MBTPS1: variants seen among roughly 807,000 people sequenced by gnomAD.
The protein encoded by MBTPS1 is membrane bound transcription factor peptidase, site 1.
Under a neutral mutation model 127.8 loss-of-function variants are expected in MBTPS1, and 94 were observed. The observed-to-expected ratio is 0.74, with a 90% CI of 0.62 to 0.87. MBTPS1 has a LOEUF of 0.87. Among genes scored for constraint, MBTPS1 ranks in the 40% least tolerant of loss-of-function variants. MBTPS1 has a pLI of 0.00. For synonymous variants in MBTPS1, 632 were observed against 509.4 expected, an observed-to-expected ratio of 1.24 and a Z score of -3.24; for missense variants, 1,636 against 1,353.2, an observed-to-expected ratio of 1.21 and a Z score of -3.28.
chr16:84,116,673 G>A (rs1369547969), intron 1 of MBTPS1, 62 bp downstream of exon 1: 12 of 151,944 alleles, frequency 7.9e-5, no homozygotes, highest in Admixed American at 2.6e-4. Context: ...ACACCTGAGC[G>A]AGCGGGCCGC....
At position 84,056,001 on chromosome 16, in the gene MBTPS1, T is replaced by C; in HGVS notation, c.2962+4A>G. On this transcript the variant is annotated splice_donor_region_variant and intron_variant, in intron 22 of 22. Coordinates refer to ENST00000343411, the MANE Select transcript of MBTPS1 (RefSeq NM_003791.4). ...GCACAATCACAAAGCAGCCGAGAAC[T>C]CACCTCCAGGAATGTCCCAGGCGCC... 6.2e-7 allele frequency: 1 copy of C among 1,609,770 alleles called. No individual in the cohort carries two copies. Among genetic ancestry groups the C allele is most frequent in the Non-Finnish European group, 8.5e-7 (1 of 1,177,368 alleles).
chr16:84,084,929 C>A (rs1031616155), intron 10 of MBTPS1, 54 bp downstream of exon 10: 6 of 1,576,082 alleles, frequency 3.8e-6, no homozygotes, highest in Non-Finnish European at 5.2e-6. Context: ...CTGCTGGCAC[C>A]GAGTGCTCCT....
At chr16:84,072,683 G>A (rs1394332760) in intron 12 of MBTPS1, among the ~76,000 whole-genome samples, 5 of 152,130 alleles carry the variant, frequency 3.3e-5, no homozygotes, top group Non-Finnish European at 7.4e-5. Context: ...CCAGCTACTC[G>A]GGAGGCTGAG....
At chr16:84,082,683 C>T (rs548613144) in intron 10 of MBTPS1, among the ~76,000 whole-genome samples, 4 of 152,240 alleles carry the variant, frequency 2.6e-5, no homozygotes, top group East Asian at 3.9e-4. Context: ...CCTAAATATT[C>T]GTATGTGATG....
At chr16:84,110,657 G>GT (rs1395193057) in intron 1 of MBTPS1, 2 of 152,264 alleles carry the variant, frequency 1.3e-5, no homozygotes, top group African/African-American at 4.8e-5. Context: ...CCAACAACCC[G>GT]TTACTACCCC....
At chr16:84,061,657 C>T (rs1425252677) in intron 19 of MBTPS1, 1 of 152,236 alleles carries the variant, frequency 6.6e-6, no homozygotes, top group Non-Finnish European at 1.5e-5. Flanking sequence ...TCGGCAGGGC[C>T]CTGACCACTG....
rs1473888155 is a variant in MBTPS1, at chr16:84,056,067, G to T, written c.2900C>A (p.Ser967Ter). The T allele has an allele frequency of 2.5e-6, 4 of 1,614,012 alleles. No individual in the cohort carries two copies. In the African/African-American group the frequency reaches 5.3e-5, roughly 22 times the overall value. ...CAAGGGCCTCACTTGAGGGCGATTC[G>T]ATCGAAAGTTGGGTAACACCACCTT... ...LDKVVLPNFR[S>*]NRPQVRPLSP... The change falls in exon 22 of 23, where the codon TCG becomes TAG. Residue 967 changes from serine (S) to a stop codon, truncating the protein, a stop_gained. Transcript: ENST00000343411. LOFTEE classifies it high-confidence loss of function.
chr16:84,056,215 A>T (rs1209271375), intron 21 of MBTPS1, 80 bp from the exon 22 acceptor site: 1 of 1,235,298 alleles, frequency 8.1e-7, no homozygotes, highest in Non-Finnish European at 1.2e-6. Context: ...TTCAACTGAA[A>T]CTCAAGACAG....
chr16:84,110,187 G>T lies in MBTPS1; in HGVS notation c.-325+6548C>A, dbSNP rs2086379851. Among the ~76,000 whole-genome samples, 3 of 152,320 alleles carry T rather than the reference G, an allele frequency of 2.0e-5. No individual in the cohort carries two copies. The South Asian group carries it at 6.2e-4, about 32-fold the overall frequency. On this transcript the variant is annotated intron_variant, in intron 1 of 22. Coordinates refer to ENST00000343411, the MANE Select transcript of MBTPS1 (RefSeq NM_003791.4). ...ATAACCAGACCACACACGTCAGACAGATTTACACTCATCAATTGTTACGTA... is the reference window on the plus strand; with the variant it reads ...ATAACCAGACCACACACGTCAGACATATTTACACTCATCAATTGTTACGTA...
chr16:84,109,935 G>A (rs1254234263), intron 1 of MBTPS1, among the ~76,000 whole-genome samples: 1 of 152,196 alleles, frequency 6.6e-6, no homozygotes, highest in African/African-American at 2.4e-5. Context: ...GGATAATGGA[G>A]TATCAGGTCT....
At chr16:84,085,801 T>C (rs1341592793) in intron 9 of MBTPS1, among the ~76,000 whole-genome samples, 3 of 151,950 alleles carry the variant, frequency 2.0e-5, no homozygotes. Context: ...AACTGCTTTA[T>C]CTCTAGATAA....
Position 84,106,149 on chromosome 16 carries a change from G to T in MBTPS1, c.-324-4042C>A, listed in dbSNP as rs185427393. On this transcript the variant is annotated intron_variant, in intron 1 of 22. Coordinates refer to ENST00000343411, the MANE Select transcript of MBTPS1 (RefSeq NM_003791.4). ...ACCTCTACTAAAAACAAAAAAATTA[G>T]TCGTGCGTGGCGACAGGCGCCTGTA... Among the ~76,000 whole-genome samples the T allele has an allele frequency of 2.4e-4, 37 of 152,160 alleles. 1 individual carries two copies. In the East Asian group the frequency reaches 5.8e-3, roughly 24 times the overall value.
intron 21 of MBTPS1, chr16:84,057,919 G>C (rs1341142917): frequency 6.6e-6 from 1 of 152,204 alleles, no homozygotes; most frequent in African/African-American, 2.4e-5. Context: ...TTCAAGTCCT[G>C]AACAACACTG....
chr16:84,079,824 T>G (rs187563643), intron 11 of MBTPS1, among the ~76,000 whole-genome samples: 1 of 152,214 alleles, frequency 6.6e-6, no homozygotes, highest in African/African-American at 2.4e-5. Flanking sequence ...CATACACAGA[T>G]AGGCAGATAC....
intron 12 of MBTPS1, chr16:84,071,829 CA>C (rs1255100868): frequency 5.9e-5 from 9 of 152,254 alleles, no homozygotes; most frequent in African/African-American, 2.2e-4. Flanking sequence ...GCTGAACACA[CA>C]GCAATGGTGA....
intron 10 of MBTPS1, among the ~76,000 whole-genome samples, chr16:84,083,104 A>C (rs1442716714): frequency 6.6e-6 from 1 of 152,246 alleles, no homozygotes; most frequent in Non-Finnish European, 1.5e-5. Flanking sequence ...TCAACAGTGA[A>C]GGCAGAGCCC....
intron 18 of MBTPS1, 54 bp downstream of exon 18, chr16:84,065,636 G>A (rs2085670295): frequency 1.7e-6 from 2 of 1,157,836 alleles, no homozygotes; most frequent in Non-Finnish European, 2.6e-6. Flanking sequence ...AGAAGCGGGG[G>A]AAAAGGGAGC....
chr16:84,097,440 C>T (rs924203037), intron 3 of MBTPS1, among the ~76,000 whole-genome samples: 1 of 152,190 alleles, frequency 6.6e-6, no homozygotes, highest in African/African-American at 2.4e-5. Flanking sequence ...AAGGTCACAG[C>T]TAACTTCAAG....
At chr16:84,098,528 T>C (rs1229619018) in intron 3 of MBTPS1, among the ~76,000 whole-genome samples, 3 of 138,646 alleles carry the variant, frequency 2.2e-5, no homozygotes, top group Non-Finnish European at 4.8e-5. Flanking sequence ...GAGAATCACT[T>C]GAACCTGGGT....
Sources: gnomAD v4.1 joint callset for allele counts (sites outside exome capture counted in the v4.1 genomes callset) on GRCh38, gnomAD v4.1.1 for gene constraint, MANE v1.5 for transcripts, NCBI Gene and HGNC (gene_info 2026-07-23, HGNC 2026-07-21) for gene names.